KCNH7: variants seen among roughly 807,000 people sequenced by gnomAD.
KCNH7 encodes the protein potassium voltage-gated channel subfamily H member 7.
Under a neutral mutation model 120.8 loss-of-function variants are expected in KCNH7, and 49 were observed. That is an observed-to-expected ratio of 0.41 (90% CI 0.32 to 0.51). The LOEUF is 0.51. Ranked by LOEUF, KCNH7 falls within the 20% of genes least tolerant of loss-of-function variation. KCNH7 has a pLI of 0.38. For missense variants in KCNH7, 1,097 were observed against 1,446.6 expected (o/e 0.76, Z 3.92); for synonymous variants, 547 against 516.1 (o/e 1.06, Z -0.81).
intron 2 of KCNH7, among the ~76,000 whole-genome samples, chr2:162,554,869 G>A (rs902364489): frequency 1.4e-4 from 22 of 152,110 alleles, no homozygotes; most frequent in African/African-American, 5.3e-4. Flanking sequence ...CTGAGGTTTA[G>A]GGCATGAACC....
intron 13 of KCNH7, among the ~76,000 whole-genome samples, chr2:162,382,092 C>A (rs1178977933): frequency 6.6e-6 from 1 of 152,000 alleles, no homozygotes; most frequent in Non-Finnish European, 1.5e-5. Flanking sequence ...AGAAAGCTTA[C>A]AGAATTTCTG....
At chr2:162,685,004 A>G (rs560494640) in intron 2 of KCNH7, among the ~76,000 whole-genome samples, 33 of 152,280 alleles carry the variant, frequency 2.2e-4, no homozygotes, top group African/African-American at 7.5e-4. Flanking sequence ...TATACCATGG[A>G]ATACTATGAG....
intron 6 of KCNH7, among the ~76,000 whole-genome samples, chr2:162,473,062 G>A (rs895062457): frequency 6.6e-6 from 1 of 151,940 alleles, no homozygotes; most frequent in African/African-American, 2.4e-5. Flanking sequence ...CACACACCGG[G>A]GCCTGTTGTG....
At position 162,838,568 on chromosome 2, in the gene KCNH7, C is replaced by G. The variant is rs1479006488; in HGVS notation, c.-50G>C. On this transcript the variant is annotated 5_prime_UTR_variant, in exon 1 of 16. Coordinates refer to ENST00000332142, the MANE Select transcript of KCNH7 (RefSeq NM_033272.4). The stretch of plus-strand genomic sequence containing the variant: ...GCTCCCCCGGAGCTCTGGAGTTCTC[C>G]CGGGATCTCTCCTCGGCTAGAGCCC... The G allele has an allele frequency of 6.7e-7, 1 of 1,483,984 alleles. No homozygotes were observed. The highest frequency in any genetic ancestry group is 9.3e-7 in the Non-Finnish European group (1 of 1,071,306). The allele number at this position is 1,483,984 out of a possible 1,614,324, so 91.9% of individuals were successfully genotyped here. A position where few individuals can be genotyped will look rare whatever the true frequency, so the allele number is the denominator to read the frequency against.
intron 2 of KCNH7, among the ~76,000 whole-genome samples, chr2:162,565,065 T>C (rs1693206109): frequency 1.3e-5 from 2 of 152,142 alleles, no homozygotes; most frequent in Admixed American, 1.3e-4. Context: ...GCCCTCACTA[T>C]TAATATTTCA....
At chr2:162,739,126 C>T (rs1688024449) in intron 2 of KCNH7, among the ~76,000 whole-genome samples, 1 of 152,144 alleles carries the variant, frequency 6.6e-6, no homozygotes. Context: ...TCAGATGCCC[C>T]CTGTGTGCCC....
chr2:162,536,675 T>C (rs886137448), intron 3 of KCNH7, among the ~76,000 whole-genome samples: 1 of 151,994 alleles, frequency 6.6e-6, no homozygotes, highest in Non-Finnish European at 1.5e-5. Flanking sequence ...GAAAACAACC[T>C]AAATGTCCAT....
chr2:162,725,166 AAC>A (rs1687470557), intron 2 of KCNH7, among the ~76,000 whole-genome samples: 1 of 152,222 alleles, frequency 6.6e-6, no homozygotes, highest in Non-Finnish European at 1.5e-5. Flanking sequence ...GAATAATGCA[AAC>A]ACAAATTTGT....
At chr2:162,734,468 G>T (rs1687831554) in intron 2 of KCNH7, among the ~76,000 whole-genome samples, 2 of 152,130 alleles carry the variant, frequency 1.3e-5, no homozygotes, top group African/African-American at 2.4e-5. Flanking sequence ...CATGGTGTCA[G>T]CTCTCACTTT....
At chr2:162,584,819 G>C (rs1233064572) in intron 2 of KCNH7, among the ~76,000 whole-genome samples, 2 of 146,458 alleles carry the variant, frequency 1.4e-5, no homozygotes, top group Non-Finnish European at 3.0e-5. Context: ...TGAGGCCTAA[G>C]TTTTGTCCTA....
chr2:162,706,409 C>T (rs1251158362), intron 2 of KCNH7, among the ~76,000 whole-genome samples: 1 of 151,914 alleles, frequency 6.6e-6, no homozygotes, highest in Non-Finnish European at 1.5e-5. Context: ...ACTTTATGTG[C>T]TTTATTACAA....
chr2:162,474,965 A>T (rs1031259022), intron 6 of KCNH7, among the ~76,000 whole-genome samples: 1 of 152,230 alleles, frequency 6.6e-6, no homozygotes, highest in African/African-American at 2.4e-5. Context: ...AGCTCAGAAG[A>T]GTCAGCTCAC....
chr2:162,836,396 T>A (rs1685665419), intron 2 of KCNH7, 141 bp downstream of exon 2: 5 of 653,446 alleles, frequency 7.7e-6, no homozygotes, highest in Non-Finnish European at 1.3e-5. Context: ...AATACCCATA[T>A]ATGTTGGATC....
intron 2 of KCNH7, among the ~76,000 whole-genome samples, chr2:162,698,712 A>AT (rs934250488): frequency 4.6e-5 from 7 of 152,042 alleles, no homozygotes; most frequent in African/African-American, 1.7e-4. Flanking sequence ...ATGAGCCTCA[A>AT]TTTCTTCATC....
intron 2 of KCNH7, among the ~76,000 whole-genome samples, chr2:162,588,138 C>T (rs969548411): frequency 2.0e-5 from 3 of 152,060 alleles, no homozygotes; most frequent in Non-Finnish European, 4.4e-5. Context: ...CACAACCTAC[C>T]ATGAGAAAAG....
intron 2 of KCNH7, among the ~76,000 whole-genome samples, chr2:162,720,584 A>T (rs773387554): frequency 2.0e-5 from 3 of 152,094 alleles, no homozygotes; most frequent in Middle Eastern, 3.2e-3. Context: ...AATAATAACA[A>T]TATATACAAT....
At chr2:162,543,619 G>C (rs145269722) in intron 2 of KCNH7, among the ~76,000 whole-genome samples, 1 of 152,192 alleles carries the variant, frequency 6.6e-6, no homozygotes, top group African/African-American at 2.4e-5. Context: ...CAGTGATATT[G>C]AGTAGTAAAT....
At chr2:162,699,456 CA>C (rs1686410963) in intron 2 of KCNH7, among the ~76,000 whole-genome samples, 1 of 152,026 alleles carries the variant, frequency 6.6e-6, no homozygotes, top group Non-Finnish European at 1.5e-5. Flanking sequence ...CCAAAAGATA[CA>C]GTAGAAATGT....
At chr2:162,528,629 C>T (rs187696505) in intron 3 of KCNH7, among the ~76,000 whole-genome samples, 2 of 151,926 alleles carry the variant, frequency 1.3e-5, no homozygotes, top group South Asian at 2.1e-4. Context: ...TCATGATAGG[C>T]GGATTGTATT....
Sources: allele counts gnomAD v4.1 joint callset (sites outside exome capture counted in the v4.1 genomes callset), GRCh38; gene constraint gnomAD v4.1.1; transcripts MANE v1.5; gene names NCBI Gene and HGNC (gene_info 2026-07-23, HGNC 2026-07-21).